Variants in RALGAPA2 observed in about 807,000 individuals in gnomAD.
RALGAPA2 encodes the protein ral GTPase-activating protein subunit alpha-2.
In RALGAPA2, 139 loss-of-function variants were observed where a neutral mutation model predicts 230.4. The observed-to-expected ratio is 0.60, with a 90% CI of 0.53 to 0.69. RALGAPA2 has a LOEUF of 0.69. Among genes scored for constraint, RALGAPA2 ranks in the 30% least tolerant of loss-of-function variants. RALGAPA2 has a pLI of 0.00. For missense variants in RALGAPA2, 2,163 were observed against 2,276.0 expected (o/e 0.95, Z 1.01); for synonymous variants, 847 against 837.8 (o/e 1.01, Z -0.19).
chr20:20,626,442 T>G (rs562293328), intron 10 of RALGAPA2, among the ~76,000 whole-genome samples: 40 of 152,372 alleles, frequency 2.6e-4, no homozygotes, highest in Non-Finnish European at 4.6e-4. Flanking sequence ...AGATGTCTCA[T>G]AACTTCAGTC....
At chr20:20,471,963 T>C (rs1392063779) in intron 37 of RALGAPA2, 1 of 152,178 alleles carries the variant, frequency 6.6e-6, no homozygotes. Context: ...TACTATCAGG[T>C]TGGGAGAAGT....
At chr20:20,428,600 T>C (rs1258722865) in intron 37 of RALGAPA2, among the ~76,000 whole-genome samples, 2 of 152,206 alleles carry the variant, frequency 1.3e-5, no homozygotes, top group Admixed American at 1.3e-4. Context: ...ATTGTATCAC[T>C]GGTCTCAAGG....
chr20:20,616,513 A>T (rs2066146548), intron 12 of RALGAPA2, among the ~76,000 whole-genome samples: 1 of 152,220 alleles, frequency 6.6e-6, no homozygotes. Flanking sequence ...CCCCTCAACA[A>T]AAAAAGGAAA....
chr20:20,466,126 G>C (rs1316894846), intron 37 of RALGAPA2, among the ~76,000 whole-genome samples: 1 of 152,256 alleles, frequency 6.6e-6, no homozygotes, highest in Non-Finnish European at 1.5e-5. Flanking sequence ...GACACCAGGA[G>C]GGACTGTGGT....
chr20:20,522,077 T>C (rs2063059996), intron 30 of RALGAPA2, among the ~76,000 whole-genome samples: 1 of 152,062 alleles, frequency 6.6e-6, no homozygotes, highest in Admixed American at 6.6e-5. Context: ...AATTAATTTC[T>C]AGTAGCCAAA....
chr20:20,512,711 T>C lies in RALGAPA2; in HGVS notation c.4658A>G (p.Asn1553Ser). ...NEPSLTPCGM[N>S]YDQEKEIIEV... ...AATGATTTCCTTCTCTTGGTCATAG[T>C]TCATGCCACATGGGGTTAGGGAAGG... The change falls in exon 32 of 40, where the codon AAC (asparagine) becomes AGC (serine). Residue 1553 changes from asparagine (N) to serine (S), a missense_variant. Asn to Ser is a conservative substitution (Grantham distance 46). Coordinates refer to ENST00000202677, the MANE Select transcript of RALGAPA2 (RefSeq NM_020343.4). 1 of 1,613,998 alleles carries C rather than the reference T, an allele frequency of 6.2e-7. No homozygotes were observed. The highest frequency in any genetic ancestry group is 8.5e-7 in the Non-Finnish European group (1 of 1,179,860).
chr20:20,635,513 T>C lies in RALGAPA2; in HGVS notation c.910A>G (p.Ile304Val). 2 of 1,595,870 alleles carry C rather than the reference T, an allele frequency of 1.3e-6. No individual in the cohort carries two copies. The highest frequency in any genetic ancestry group is 1.1e-5 in the South Asian group (1 of 87,528). Residue 304 changes from isoleucine (I) to valine (V), a missense_variant, in exon 9 of 40, where the codon ATT becomes GTT. Ile to Val is a conservative substitution (Grantham distance 29, BLOSUM62 3). Transcript: ENST00000202677. Reference sequence around the variant, plus strand: ...AAAAAGAAGGTTACAATCCACTTAATAAAAACAACACGAGCTGCCATATAT... The same window carrying C: ...AAAAAGAAGGTTACAATCCACTTAACAAAAACAACACGAGCTGCCATATAT... ...IPYMAARVVF[I>V]KWIVTFFLEK...
At chr20:20,603,745 C>T (rs2065732841) in intron 15 of RALGAPA2, among the ~76,000 whole-genome samples, 1 of 152,198 alleles carries the variant, frequency 6.6e-6, no homozygotes, top group Admixed American at 6.5e-5. Context: ...AACTGACTGG[C>T]TGAGTCCAAC....
intron 24 of RALGAPA2, 137 bp downstream of exon 24, chr20:20,546,567 G>A: frequency 8.8e-7 from 1 of 1,130,958 alleles, no homozygotes; most frequent in Non-Finnish European, 1.2e-6. Flanking sequence ...CACATCAGCT[G>A]CCAGGGTATC....
chr20:20,571,383 T>G, intron 23 of RALGAPA2, 75 bp downstream of exon 23: 1 of 1,415,970 alleles, frequency 7.1e-7, no homozygotes. Flanking sequence ...TTTTCATAAA[T>G]ATTACTAATG....
chr20:20,408,687 G>A (rs2059995983), intron 38 of RALGAPA2, among the ~76,000 whole-genome samples: 1 of 152,082 alleles, frequency 6.6e-6, no homozygotes, highest in Non-Finnish European at 1.5e-5. Flanking sequence ...CTCTTTCTTG[G>A]TGATATGATT....
intron 23 of RALGAPA2, among the ~76,000 whole-genome samples, chr20:20,556,475 G>A (rs1482236157): frequency 6.6e-6 from 1 of 152,172 alleles, no homozygotes; most frequent in African/African-American, 2.4e-5. Context: ...TGCACCAATA[G>A]TGCCTTGAAG....
Position 20,620,481 on chromosome 20 carries a change from G to A in RALGAPA2, c.1383C>T (p.Ser461=), listed in dbSNP as rs750311481. ...AAATTACCTCCTTGCTATCAGTCTC[G>A]GAAAATCCTAATTTTTCAGCATCTT... ...AQEDAEKLGF[S]ETDSKEASSE... Residue 461 remains serine, a synonymous_variant, in exon 11 of 40, where the codon TCC becomes TCT. Coordinates refer to ENST00000202677, the MANE Select transcript of RALGAPA2 (RefSeq NM_020343.4). 5.2e-5 allele frequency: 84 copies of A among 1,613,570 alleles called. No homozygotes were observed. The Admixed American group carries it at 1.1e-3, about 20-fold the overall frequency.
Position 20,482,543 on chromosome 20 carries a change from G to A in RALGAPA2, c.5368-9587C>T, listed in dbSNP as rs150339920. ...GGTGGGTCTGGCTCTCTTTTCTAGC[G>A]CAGGGTTCCCCAAAGTGCACTTTAA... is the stretch of plus-strand genomic sequence containing the variant. On this transcript the variant is annotated intron_variant, in intron 36 of 39. Coordinates refer to ENST00000202677, the MANE Select transcript of RALGAPA2 (RefSeq NM_020343.4). 5.0e-3 allele frequency among the ~76,000 whole-genome samples: 756 copies of A among 152,234 alleles called. 6 individuals carry two copies. Among genetic ancestry groups the A allele is most frequent in the African/African-American group, 0.017 (718 of 41,552 alleles).
Position 20,712,005 on chromosome 20 carries a change from A to T in RALGAPA2, c.106+370T>A, listed in dbSNP as rs2069893100. ...GTCTCAGACTCAAAAATAAAATTTT[A>T]AAAATGAAAGGGGGAGGTGACAGTT... On this transcript the variant is annotated intron_variant, in intron 1 of 39. Coordinates refer to ENST00000202677, the MANE Select transcript of RALGAPA2 (RefSeq NM_020343.4). This position sits in a 1 kb window ranked among gnomAD's most constrained non-coding sequence, Gnocchi z 5.5. Among the ~76,000 whole-genome samples the T allele has an allele frequency of 6.6e-6, 1 of 152,122 alleles. No homozygotes were observed. The highest frequency in any genetic ancestry group is 2.4e-5 in the African/African-American group (1 of 41,424).
At chr20:20,464,247 A>G (rs1381130367) in intron 37 of RALGAPA2, among the ~76,000 whole-genome samples, 1 of 152,182 alleles carries the variant, frequency 6.6e-6, no homozygotes. Flanking sequence ...GGACTTTCCA[A>G]CAAGTGACTT....
chr20:20,641,830 T>G (rs1346298320), intron 5 of RALGAPA2, among the ~76,000 whole-genome samples: 3 of 151,820 alleles, frequency 2.0e-5, no homozygotes, highest in Non-Finnish European at 4.4e-5. Context: ...AACACAAAGC[T>G]TTGCCAGAAA....
chr20:20,521,055 T>A lies in RALGAPA2; in HGVS notation c.3946A>T (p.Ser1316Cys). 6.2e-7 allele frequency: 1 copy of A among 1,613,786 alleles called. No homozygotes were observed. The highest frequency in any genetic ancestry group is 1.1e-5 in the South Asian group (1 of 91,072). Residue 1316 changes from serine (S) to cysteine (C), a missense_variant, in exon 31 of 40, where the codon AGT becomes TGT. By Grantham distance (112) the Ser-to-Cys change is moderately radical (BLOSUM62 -1). Transcript: ENST00000202677. ...TCAGCCAGGGTCAGTATGTAGTGAC[T>A]CTGTTGGGTGTACGTGCTTGAGCCA... is the stretch of plus-strand genomic sequence containing the variant. ...VCGSSTYTQQ[S>C]HYILTLADLS...
intron 23 of RALGAPA2, among the ~76,000 whole-genome samples, chr20:20,565,769 A>T (rs2064399503): frequency 1.3e-5 from 2 of 152,248 alleles, no homozygotes; most frequent in South Asian, 4.1e-4. Context: ...ACAAAAATTA[A>T]ATTAATGCTC....
Sources: allele counts gnomAD v4.1 joint callset (sites outside exome capture counted in the v4.1 genomes callset), GRCh38; gene constraint gnomAD v4.1.1; non-coding constraint Gnocchi (gnomAD v3.1); transcripts MANE v1.5; gene names NCBI Gene and HGNC (gene_info 2026-07-23, HGNC 2026-07-21).